The following DNAJC27 variants were observed in gnomAD, a reference collection of about 807,000 sequenced individuals.
DNAJC27 encodes the protein DnaJ heat shock protein family (Hsp40) member C27.
DNAJC27 carries 25 observed loss-of-function variants against 31.4 expected under a neutral mutation model. The observed-to-expected ratio is 0.80, with a 90% CI of 0.58 to 1.11. The LOEUF is 1.11. Among genes scored for constraint, DNAJC27 ranks in the 50% most tolerant of loss-of-function variants. DNAJC27 has a pLI of 0.00. For missense variants in DNAJC27, 356 were observed against 347.3 expected (o/e 1.02, Z -0.20); for synonymous variants, 106 against 112.7 (o/e 0.94, Z 0.37).
Position 24,947,638 on chromosome 2 carries a change from G to C in DNAJC27, c.800C>G (p.Ala267Gly), listed in dbSNP as rs1665679035. 8 of 1,606,350 alleles carry C rather than the reference G, an allele frequency of 5.0e-6. No homozygotes were observed. In the East Asian group the frequency reaches 1.8e-4, roughly 36 times the overall value. Residue 267 changes from alanine to glycine, a missense_variant, in exon 7 of 7, where the codon GCC becomes GGC. Ala to Gly is a moderately conservative substitution (Grantham distance 60). Coordinates refer to ENST00000264711, the MANE Select transcript of DNAJC27 (RefSeq NM_016544.3). Reference sequence around the variant, plus strand: ...TTTCTACTTGATGTTTTTCAGGAGGGCTGTCCGAGCATTCACAACTGCTTT... The same window carrying C: ...TTTCTACTTGATGTTTTTCAGGAGGCCTGTCCGAGCATTCACAACTGCTTT... ...AFKAVVNART[A>G]LLKNIK
In DNAJC27 at chr2:24,958,176, C is replaced by A. The variant is rs192396063; in HGVS notation, c.241-202G>T. 4.3e-3 allele frequency among the ~76,000 whole-genome samples: 652 copies of A among 152,284 alleles called. 6 individuals are homozygous for A. The highest frequency in any genetic ancestry group is 0.015 in the African/African-American group (631 of 41,536). ...AAATGTATTAGCATAGAAGGACTTACAATGGAAAACAACAGCCTCCTGCCC... is the reference window on the plus strand; with the variant it reads ...AAATGTATTAGCATAGAAGGACTTAAAATGGAAAACAACAGCCTCCTGCCC... On this transcript the variant is annotated intron_variant, in intron 3 of 6. Transcript: ENST00000264711.
rs556563895 is a variant in DNAJC27 at position 24,967,277 on chromosome 2, C to T, written c.104G>A (p.Arg35Gln). 8.9e-5 allele frequency: 143 copies of T among 1,613,150 alleles called. No homozygotes were observed. The highest frequency in any genetic ancestry group is 6.5e-4 in the South Asian group (59 of 91,046). Residue 35 changes from arginine (R) to glutamine (Q), a missense_variant, in exon 2 of 7, where the codon CGA (arginine) becomes CAA (glutamine). Physicochemically the swap from Arg to Gln is conservative, Grantham distance 43. Transcript: ENST00000264711. ...AGACACGAATCTTTTCTCACAGTAT[C>T]GCTTTATAATACAGCTCTAAAAAGG... ...AEVGKSCIIK[R>Q]YCEKRFVSKY... is the part of the protein sequence containing the mutation.
chr2:24,947,000 T>G lies in DNAJC27; in HGVS notation c.*616A>C, dbSNP rs898966333. On this transcript the variant is annotated 3_prime_UTR_variant, in exon 7 of 7. Coordinates refer to ENST00000264711, the MANE Select transcript of DNAJC27 (RefSeq NM_016544.3). ...CTTAGGACTGGCTTGTCTCTCCCAC[T>G]GGTGGCTGCAGAAGAGGAACAGAGT... The G allele has an allele frequency of 7.2e-5, 11 of 152,360 alleles. No individual in the cohort carries two copies. The highest frequency in any genetic ancestry group is 2.6e-4 in the African/African-American group (11 of 41,556). The allele number at this position is 152,360 out of a possible 1,614,324, so 9.4% of individuals were successfully genotyped here. A position where few individuals can be genotyped will look rare whatever the true frequency, so the allele number is the denominator to read the frequency against.
intron 3 of DNAJC27, among the ~76,000 whole-genome samples, chr2:24,962,873 T>C (rs371118462): frequency 6.6e-6 from 1 of 152,176 alleles, no homozygotes. Context: ...AAAAACCTCC[T>C]TAAGAAAAAT....
chr2:24,950,776 G>A (rs569462655), intron 6 of DNAJC27, among the ~76,000 whole-genome samples: 116 of 152,182 alleles, frequency 7.6e-4, no homozygotes, highest in Admixed American at 2.0e-3. Flanking sequence ...GAACCCAGGA[G>A]GCAGAGGTTT....
chr2:24,954,157 T>C (rs148939753), intron 5 of DNAJC27, among the ~76,000 whole-genome samples: 1 of 152,220 alleles, frequency 6.6e-6, no homozygotes, highest in African/African-American at 2.4e-5. Context: ...CAAGTCCATA[T>C]GGGGGTCTCT....
intron 5 of DNAJC27, among the ~76,000 whole-genome samples, chr2:24,954,553 A>G (rs1665859372): frequency 6.6e-6 from 1 of 152,212 alleles, no homozygotes; most frequent in African/African-American, 2.4e-5. Flanking sequence ...TAGGGCAAAA[A>G]AACAAGCCAA....
At position 24,957,892 on chromosome 2, in the gene DNAJC27, T is replaced by C. The variant is rs1328958023; in HGVS notation, c.323A>G (p.Asp108Gly). 1.2e-6 allele frequency: 2 copies of C among 1,614,216 alleles called. No homozygotes were observed. The highest frequency in any genetic ancestry group is 2.2e-5 in the East Asian group (1 of 44,890). Reference protein sequence around the residue: ...VGQKDSFDALDAWLAEMKQEL... With the variant: ...VGQKDSFDALGAWLAEMKQEL... ...TTGCTTCATTTCTGCCAGCCACGCA[T>C]CAAGGGCGTCAAAGGAGTCTTTCTG... The change falls in exon 4 of 7, where the codon GAT becomes GGT. Residue 108 changes from aspartate (D) to glycine (G), a missense_variant. Asp to Gly is a moderately conservative substitution (Grantham distance 94). Coordinates refer to ENST00000264711, the MANE Select transcript of DNAJC27 (RefSeq NM_016544.3).
Position 24,947,595 on chromosome 2 carries a change from T to G in DNAJC27, c.*21A>C, listed in dbSNP as rs1283144060. On this transcript the variant is annotated 3_prime_UTR_variant, in exon 7 of 7. Coordinates refer to ENST00000264711, the MANE Select transcript of DNAJC27 (RefSeq NM_016544.3). Reference sequence around the variant, plus strand: ...AGTCTGTTTGCATTTGAGTCCCACATGTGGCTTTTTTCTGTACTTTCTACT... The same window carrying G: ...AGTCTGTTTGCATTTGAGTCCCACAGGTGGCTTTTTTCTGTACTTTCTACT... 4 of 1,583,516 alleles carry G rather than the reference T, an allele frequency of 2.5e-6. No homozygotes were observed. The highest frequency in any genetic ancestry group is 2.7e-5 in the African/African-American group (2 of 74,304).
At chr2:24,968,523 T>G (rs890328004) in intron 1 of DNAJC27, among the ~76,000 whole-genome samples, 6 of 151,778 alleles carry the variant, frequency 4.0e-5, no homozygotes, top group Admixed American at 1.3e-4. Context: ...ATTATTATTT[T>G]TTTTGTAGAG....
Position 24,963,476 on chromosome 2 carries a change from T to C in DNAJC27, c.171-2A>G. 1 of 1,611,184 alleles carries C rather than the reference T, an allele frequency of 6.2e-7. No individual in the cohort carries two copies. Among genetic ancestry groups the C allele is most frequent in the Non-Finnish European group, 8.5e-7 (1 of 1,177,838 alleles). ...ATTTCTCTGTCTCTGACGTGTACCCTGAAATGTTCAAATGGAAACAATCCG... is the reference window on the plus strand; with the variant it reads ...ATTTCTCTGTCTCTGACGTGTACCCCGAAATGTTCAAATGGAAACAATCCG... On this transcript the variant is annotated splice_acceptor_variant, in intron 2 of 6. Transcript: ENST00000264711. LOFTEE classifies it high-confidence loss of function.
intron 1 of DNAJC27, chr2:24,968,868 TAAAAA>T: frequency 6.5e-6 from 1 of 153,648 alleles, no homozygotes; most frequent in African/African-American, 2.4e-5. Flanking sequence ...TTTGGTAGCT[TAAAAA>T]AAATTTTTTT....
intron 6 of DNAJC27, among the ~76,000 whole-genome samples, chr2:24,949,758 T>C (rs1207631649): frequency 6.6e-6 from 1 of 152,206 alleles, no homozygotes; most frequent in East Asian, 1.9e-4. Flanking sequence ...TCTTCTTTCT[T>C]AATGAATATT....
At chr2:24,964,854 A>C (rs1177719042) in intron 2 of DNAJC27, among the ~76,000 whole-genome samples, 1 of 152,226 alleles carries the variant, frequency 6.6e-6, no homozygotes, top group Non-Finnish European at 1.5e-5. Flanking sequence ...ATGTCCTACT[A>C]TATCACTGAT....
intron 4 of DNAJC27, 75 bp from the exon 5 acceptor site, chr2:24,957,240 T>A (rs1665929403): frequency 6.8e-7 from 1 of 1,467,820 alleles, no homozygotes. Context: ...TGAGGGTCTC[T>A]GTCAATCCTT....
chr2:24,964,264 TA>T (rs945676005), intron 2 of DNAJC27, among the ~76,000 whole-genome samples: 1 of 150,588 alleles, frequency 6.6e-6, no homozygotes, highest in African/African-American at 2.4e-5. Flanking sequence ...ACTAAAAAAA[TA>T]AAAAAAATTA....
chr2:24,952,716 C>A (rs1362619597), intron 5 of DNAJC27, among the ~76,000 whole-genome samples: 2 of 152,116 alleles, frequency 1.3e-5, no homozygotes, highest in African/African-American at 4.8e-5. Context: ...ATTCCCATCA[C>A]CGTGTGTGTG....
Position 24,970,503 on chromosome 2 carries a change from C to A in DNAJC27, c.87+1315G>T, listed in dbSNP as rs528488231. ...TTTTTGAGACGGCGTCTCACTCTGC[C>A]GCCCAGGCTGGAGTGCAATGGCGTG... On this transcript the variant is annotated intron_variant, in intron 1 of 6. Coordinates refer to ENST00000264711, the MANE Select transcript of DNAJC27 (RefSeq NM_016544.3). Among the ~76,000 whole-genome samples, 37 of 148,748 alleles carry A rather than the reference C, an allele frequency of 2.5e-4. No individual in the cohort carries two copies. The East Asian group carries it at 7.2e-3, about 29-fold the overall frequency.
At chr2:24,971,560 T>G in intron 1 of DNAJC27, 1 of 336,536 alleles carries the variant, frequency 3.0e-6, no homozygotes, top group Non-Finnish European at 5.5e-6. Context: ...TCTTACTCTT[T>G]TGGGGGTACA....
Sources: gnomAD v4.1 joint callset for allele counts (sites outside exome capture counted in the v4.1 genomes callset) on GRCh38, gnomAD v4.1.1 for gene constraint, MANE v1.5 for transcripts, NCBI Gene and HGNC (gene_info 2026-07-23, HGNC 2026-07-21) for gene names.